Variants in CELF1 observed in about 807,000 individuals in gnomAD.
CELF1 encodes the protein 50 kDa nuclear polyadenylated RNA-binding protein.
CELF1 carries 10 observed loss-of-function variants against 61.8 expected under a neutral mutation model. The observed-to-expected ratio is 0.16, with a 90% CI of 0.10 to 0.27. The LOEUF is 0.27. Among genes scored for constraint, CELF1 ranks in the 10% least tolerant of loss-of-function variants. The pLI is 1.00. For synonymous variants in CELF1, 236 were observed against 225.1 expected (o/e 1.05, Z -0.43); for missense variants, 380 against 639.1 (o/e 0.59, Z 4.37).
chr11:47,527,464 C>T (rs1460597236), intron 1 of CELF1, among the ~76,000 whole-genome samples: 1 of 152,102 alleles, frequency 6.6e-6, no homozygotes, highest in Non-Finnish European at 1.5e-5. Context: ...GTGTTTCACC[C>T]CTGTAATCCC....
chr11:47,480,138 G>A (rs954985289), intron 9 of CELF1, among the ~76,000 whole-genome samples: 1 of 151,170 alleles, frequency 6.6e-6, no homozygotes, highest in African/African-American at 2.4e-5. Flanking sequence ...CGCCAGGCTG[G>A]AGTACAATGG....
chr11:47,484,626 C>T, intron 6 of CELF1, 103 bp from the exon 7 acceptor site: 2 of 876,482 alleles, frequency 2.3e-6, no homozygotes, highest in Non-Finnish European at 3.5e-6. Flanking sequence ...TGGCTCTGTA[C>T]CATATTTTAC....
chr11:47,562,400 G>A (rs544062425), intron 2 of CELF1, among the ~76,000 whole-genome samples: 8 of 150,878 alleles, frequency 5.3e-5, no homozygotes, highest in Non-Finnish European at 3.0e-5. Flanking sequence ...GTGGTGGTAC[G>A]CACCTGTGGT....
At chr11:47,531,268 A>C (rs576761738) in intron 1 of CELF1, among the ~76,000 whole-genome samples, 36 of 148,622 alleles carry the variant, frequency 2.4e-4, no homozygotes, top group South Asian at 1.9e-3. Flanking sequence ...ACAACAACAA[A>C]AAACAAAAAA....
At chr11:47,491,909 GCACAAAAA>G (rs1163000224) in intron 3 of CELF1, among the ~76,000 whole-genome samples, 1 of 152,206 alleles carries the variant, frequency 6.6e-6, no homozygotes, top group Non-Finnish European at 1.5e-5. Context: ...TGAGTGCTAT[GCACAAAAA>G]CAGCACCCAA....
At position 47,469,467 on chromosome 11, in the gene CELF1, G is replaced by GT. The variant is rs1414617868; in HGVS notation, c.*2762dup. The GT allele has an allele frequency of 6.6e-6, 1 of 152,284 alleles. No homozygotes were observed. The highest frequency in any genetic ancestry group is 1.5e-5 in the Non-Finnish European group (1 of 68,074). The allele number at this position is 152,284 out of a possible 1,614,324, so 9.4% of individuals were successfully genotyped here. ...ACAAAACTACAGCAGAAAACACATTGTAAGTGAAACCTTCACACAACAGAA... is the reference window on the plus strand; with the variant it reads ...ACAAAACTACAGCAGAAAACACATTGTTAAGTGAAACCTTCACACAACAGAA... On this transcript the variant is annotated 3_prime_UTR_variant, in exon 15 of 15. Transcript: ENST00000687097.
chr11:47,527,884 TGAG>T (rs2096306527), intron 1 of CELF1, among the ~76,000 whole-genome samples: 1 of 151,712 alleles, frequency 6.6e-6, no homozygotes, highest in Non-Finnish European at 1.5e-5. Flanking sequence ...TCACCTGAGG[TGAG>T]GAGTTCAAGA....
At chr11:47,497,640 A>T (rs1035836851) in intron 3 of CELF1, among the ~76,000 whole-genome samples, 2 of 152,206 alleles carry the variant, frequency 1.3e-5, no homozygotes, top group African/African-American at 4.8e-5. Context: ...TTGACAATCC[A>T]TTCCCCGACT....
chr11:47,533,458 C>T (rs768183058), intron 1 of CELF1, among the ~76,000 whole-genome samples: 3 of 151,950 alleles, frequency 2.0e-5, no homozygotes, highest in African/African-American at 7.3e-5. Context: ...CCCCTCTCTA[C>T]TAAAATACAA....
At chr11:47,486,171 A>T (rs1367294787) in intron 6 of CELF1, among the ~76,000 whole-genome samples, 1 of 144,530 alleles carries the variant, frequency 6.9e-6, no homozygotes, top group African/African-American at 2.6e-5. Flanking sequence ...AAAAAAAAAA[A>T]AAAATTCGAG....
chr11:47,476,519 C>T (rs958324146), intron 12 of CELF1, among the ~76,000 whole-genome samples: 2 of 151,822 alleles, frequency 1.3e-5, no homozygotes, highest in East Asian at 1.9e-4. Flanking sequence ...TCTGCCTCCC[C>T]GGTTCATGCC....
At chr11:47,533,026 T>C (rs989871479) in intron 1 of CELF1, among the ~76,000 whole-genome samples, 4 of 152,138 alleles carry the variant, frequency 2.6e-5, no homozygotes, top group Non-Finnish European at 5.9e-5. Context: ...AAAGAGGTTG[T>C]TACCATGGGA....
intron 1 of CELF1, among the ~76,000 whole-genome samples, chr11:47,519,687 C>T (rs1440236951): frequency 1.3e-5 from 2 of 151,854 alleles, no homozygotes; most frequent in African/African-American, 2.4e-5. Context: ...CTGGCTAACA[C>T]GGTGAAACCC....
chr11:47,516,853 T>A (rs1474424298), intron 1 of CELF1, among the ~76,000 whole-genome samples: 1 of 152,112 alleles, frequency 6.6e-6, no homozygotes, highest in African/African-American at 2.4e-5. Context: ...TCCACTTGCC[T>A]CAGTGTCCCC....
chr11:47,508,675 A>AACACACAC (rs10690121), intron 1 of CELF1, among the ~76,000 whole-genome samples: 4 of 148,950 alleles, frequency 2.7e-5, no homozygotes, highest in Non-Finnish European at 6.0e-5. Context: ...GGAAACCTCA[A>AACACACAC]ACACACACAC....
At chr11:47,521,900 A>G (rs2095917398) in intron 1 of CELF1, among the ~76,000 whole-genome samples, 1 of 151,434 alleles carries the variant, frequency 6.6e-6, no homozygotes, top group South Asian at 2.1e-4. Flanking sequence ...TTTAAAATGC[A>G]ACAGCTATGC....
intron 12 of CELF1, among the ~76,000 whole-genome samples, chr11:47,475,817 A>G (rs1180793567): frequency 3.3e-5 from 5 of 152,098 alleles, no homozygotes; most frequent in Non-Finnish European, 7.4e-5. Flanking sequence ...ACTTTCTCAT[A>G]ATGAGCTAGA....
At chr11:47,535,815 T>C (rs1411479520) in intron 1 of CELF1, among the ~76,000 whole-genome samples, 1 of 151,596 alleles carries the variant, frequency 6.6e-6, no homozygotes, top group East Asian at 2.0e-4. Flanking sequence ...CAGGCTGAAG[T>C]GCAGTGGTGC....
At chr11:47,563,965 ATT>A (rs2097235244) in intron 2 of CELF1, among the ~76,000 whole-genome samples, 1 of 151,646 alleles carries the variant, frequency 6.6e-6, no homozygotes, top group South Asian at 2.1e-4. Context: ...AGATCACGCC[ATT>A]GCACTCCAGC....
Sources: allele counts gnomAD v4.1 joint callset (sites outside exome capture counted in the v4.1 genomes callset), GRCh38; gene constraint gnomAD v4.1.1; transcripts MANE v1.5; gene names NCBI Gene and HGNC (gene_info 2026-07-23, HGNC 2026-07-21).